MRPS9: variants seen among roughly 807,000 people sequenced by gnomAD.
MRPS9 encodes mitochondrial ribosomal protein S9.
In MRPS9, 45 loss-of-function variants were observed where a neutral mutation model predicts 59.9. The observed-to-expected ratio is 0.75, with a 90% confidence interval of 0.59 to 0.96. The LOEUF (loss-of-function observed/expected upper bound fraction) is 0.96. Ranked by LOEUF, MRPS9 falls within the 40% of genes least tolerant of loss-of-function variation. MRPS9 has a pLI of 0.00. For synonymous variants in MRPS9, 171 were observed against 166.8 expected (o/e 1.03, Z -0.19); for missense variants, 473 against 481.1 (o/e 0.98, Z 0.16).
intron 5 of MRPS9, among the ~76,000 whole-genome samples, chr2:105,087,776 C>T (rs1573446015): frequency 1.1e-5 from 1 of 90,096 alleles, no homozygotes; most frequent in East Asian, 2.5e-4. Context: ...GTACTTCGTC[C>T]CTCCCTCCCT....
chr2:105,059,410 G>A (rs886287549), intron 2 of MRPS9, among the ~76,000 whole-genome samples: 4 of 152,064 alleles, frequency 2.6e-5, no homozygotes, highest in African/African-American at 9.7e-5. Context: ...TTTACTAGAG[G>A]CACCACCAAA....
intron 5 of MRPS9, 76 bp downstream of exon 5, chr2:105,080,138 C>A: frequency 1.0e-6 from 1 of 994,100 alleles, no homozygotes; most frequent in Non-Finnish European, 1.5e-6. Flanking sequence ...CTGTTCGCAG[C>A]TTCAGAATTT....
intron 1 of MRPS9, among the ~76,000 whole-genome samples, chr2:105,043,263 A>G (rs1407680186): frequency 2.6e-5 from 4 of 152,248 alleles, no homozygotes; most frequent in Non-Finnish European, 2.9e-5. Context: ...ATAACAGATT[A>G]TAGAATTAAT....
At chr2:105,082,152 A>G (rs1340337684) in intron 5 of MRPS9, among the ~76,000 whole-genome samples, 1 of 152,174 alleles carries the variant, frequency 6.6e-6, no homozygotes, top group African/African-American at 2.4e-5. Flanking sequence ...GGCTGTCCCC[A>G]CTGCAGCACG....
chr2:105,070,460 C>T (rs1680092641), intron 2 of MRPS9, among the ~76,000 whole-genome samples: 1 of 152,150 alleles, frequency 6.6e-6, no homozygotes, highest in South Asian at 2.1e-4. Context: ...AGAAGGCCCA[C>T]TCAGAACAGG....
chr2:105,080,463 A>G (rs1680307995), intron 5 of MRPS9, among the ~76,000 whole-genome samples: 1 of 152,118 alleles, frequency 6.6e-6, no homozygotes, highest in Non-Finnish European at 1.5e-5. Context: ...TGTTTTATAT[A>G]TATATAATTT....
chr2:105,080,212 G>T, intron 5 of MRPS9, 150 bp downstream of exon 5: 1 of 468,184 alleles, frequency 2.1e-6, no homozygotes, highest in South Asian at 3.9e-5. Flanking sequence ...TTGATGAAAT[G>T]ATTTATAGTA....
Position 105,045,959 on chromosome 2 carries a change from G to A in MRPS9, c.136-3212G>A, listed in dbSNP as rs190549132. Among the ~76,000 whole-genome samples the A allele has an allele frequency of 3.6e-3, 547 of 152,090 alleles. 11 individuals are homozygous for A. The highest frequency in any genetic ancestry group is 5.0e-3 in the Non-Finnish European group (342 of 67,916). On this transcript the variant is annotated intron_variant, in intron 1 of 10. Coordinates refer to ENST00000258455, the MANE Select transcript of MRPS9 (RefSeq NM_182640.3). ...GGCTAACTGCAACCTCCGGCTCCCC[G>A]GTTCAAGCGATTCTCCTGCCTCAGC...
Position 105,057,639 on chromosome 2 carries a change from T to A in MRPS9, c.315+8289T>A, listed in dbSNP as rs571285789. The stretch of plus-strand genomic sequence containing the variant: ...TTATAGACCTTGTAACATCTCCTTG[T>A]GCTAGAGCAGACGTGGGGTAACAAT... On this transcript the variant is annotated intron_variant, in intron 2 of 10. Coordinates refer to ENST00000258455, the MANE Select transcript of MRPS9 (RefSeq NM_182640.3). Among the ~76,000 whole-genome samples the A allele has an allele frequency of 4.4e-4, 67 of 152,336 alleles. 1 individual carries two copies. The highest frequency in any genetic ancestry group is 3.7e-3 in the South Asian group (18 of 4,828).
Position 105,099,838 on chromosome 2 carries a change from T to C in MRPS9, c.*77T>C. Reference sequence around the variant, plus strand: ...TGGCAGACACACAGTAAATAATGGCTGACCAGCATGAGGGCAGTACTGTCA... The same window carrying C: ...TGGCAGACACACAGTAAATAATGGCCGACCAGCATGAGGGCAGTACTGTCA... On this transcript the variant is annotated 3_prime_UTR_variant, in exon 11 of 11. Coordinates refer to ENST00000258455, the MANE Select transcript of MRPS9 (RefSeq NM_182640.3). 1 of 1,322,702 alleles carries C rather than the reference T, an allele frequency of 7.6e-7. No homozygotes were observed. Among genetic ancestry groups the C allele is most frequent in the Non-Finnish European group, 1.1e-6 (1 of 930,604 alleles). 81.9% of individuals were successfully genotyped at this position (1,322,702 alleles called of 1,614,324 possible).
rs774062277 is a variant in MRPS9, at chr2:105,092,444, A to G, written c.695A>G (p.Gln232Arg). Residue 232 changes from glutamine (Q) to arginine (R), a missense_variant, in exon 8 of 11, where the codon CAG becomes CGG. Gln to Arg is a conservative substitution (Grantham distance 43, BLOSUM62 1). Transcript: ENST00000258455. Reference protein sequence around the residue: ...IRLLEKLLTSQCGAAEEEFVQ... With the variant: ...IRLLEKLLTSRCGAAEEEFVQ... ...CTGCTAGAAAAGTTATTGACATCGC[A>G]GTGTGGTGCTGCTGAGGAAGAATTT... is the stretch of plus-strand genomic sequence containing the variant. The G allele has an allele frequency of 3.1e-6, 5 of 1,613,364 alleles. No individual in the cohort carries two copies. The South Asian group carries it at 5.5e-5, about 18-fold the overall frequency.
At position 105,087,800 on chromosome 2, in the gene MRPS9, T is replaced by TTTCCTTCC. The variant is rs59753300; in HGVS notation, c.490-1157_490-1150dup. On this transcript the variant is annotated intron_variant, in intron 5 of 10. Transcript: ENST00000258455. ...CCCTCCCTCCCTCCCTCCTGCCTTT[T>TTTCCTTCC]TTCCTTCCTTCCTTCCTTCCTTCCT... is the stretch of plus-strand genomic sequence containing the variant. Among the ~76,000 whole-genome samples, 643 of 138,684 alleles carry TTTCCTTCC rather than the reference T, an allele frequency of 4.6e-3. 4 individuals are homozygous for TTTCCTTCC. The highest frequency in any genetic ancestry group is 0.027 in the East Asian group (123 of 4,638). 91.0% of individuals were successfully genotyped at this position (138,684 alleles called of 152,430 possible). A position where few individuals can be genotyped will look rare whatever the true frequency, so the allele number is the denominator to read the frequency against.
At chr2:105,082,022 C>T (rs1680356154) in intron 5 of MRPS9, among the ~76,000 whole-genome samples, 1 of 152,148 alleles carries the variant, frequency 6.6e-6, no homozygotes, top group Non-Finnish European at 1.5e-5. Context: ...TGGCCAGGCA[C>T]TGCGTAGAAA....
chr2:105,088,903 G>A, intron 5 of MRPS9, 81 bp from the exon 6 acceptor site: 2 of 979,772 alleles, frequency 2.0e-6, no homozygotes, highest in Non-Finnish European at 3.0e-6. Context: ...ACTTACAGGA[G>A]AAAACTATAA....
At chr2:105,070,475 C>G (rs1010033772) in intron 2 of MRPS9, among the ~76,000 whole-genome samples, 6 of 152,148 alleles carry the variant, frequency 3.9e-5, no homozygotes, top group Non-Finnish European at 8.8e-5. Context: ...AACAGGCTCT[C>G]TAAATGAGCA....
chr2:105,058,753 C>T (rs1284626489), intron 2 of MRPS9, among the ~76,000 whole-genome samples: 1 of 150,682 alleles, frequency 6.6e-6, no homozygotes, highest in African/African-American at 2.4e-5. Flanking sequence ...GATCTTGGCT[C>T]ACTGCAACCT....
intron 10 of MRPS9, 165 bp downstream of exon 10, chr2:105,097,489 G>T: frequency 1.6e-6 from 1 of 609,276 alleles, no homozygotes; most frequent in Admixed American, 4.3e-5. Context: ...GTATTTCTCA[G>T]ATTTGATTTC....
intron 2 of MRPS9, among the ~76,000 whole-genome samples, chr2:105,069,462 C>G (rs906681156): frequency 6.6e-6 from 1 of 152,178 alleles, no homozygotes; most frequent in Non-Finnish European, 1.5e-5. Flanking sequence ...ATCCACCCAC[C>G]TCAGCCTCTC....
At chr2:105,042,073 A>C (rs1558748918) in intron 1 of MRPS9, among the ~76,000 whole-genome samples, 2 of 152,252 alleles carry the variant, frequency 1.3e-5, no homozygotes, top group Non-Finnish European at 2.9e-5. Flanking sequence ...TACATAACAA[A>C]TTATCCTAAA....
Sources: gnomAD v4.1 joint callset for allele counts (sites outside exome capture counted in the v4.1 genomes callset) on GRCh38, gnomAD v4.1.1 for gene constraint, MANE v1.5 for transcripts, NCBI Gene and HGNC (gene_info 2026-07-23, HGNC 2026-07-21) for gene names.